The following ZNF385D variants were observed in gnomAD, a reference collection of about 807,000 sequenced individuals.
ZNF385D encodes zinc finger protein 385D.
Under a neutral mutation model 35.8 loss-of-function variants are expected in ZNF385D, and 15 were observed. The observed-to-expected ratio is 0.42, with a 90% CI of 0.28 to 0.64. The LOEUF (loss-of-function observed/expected upper bound fraction) is 0.64, where lower values mean the gene tolerates loss of function less well. ZNF385D is among the 30% of genes least tolerant of loss of function. ZNF385D has a pLI of 0.23. For synonymous variants in ZNF385D, 212 were observed against 186.8 expected (o/e 1.13, Z -1.10); for missense variants, 474 against 494.6 (o/e 0.96, Z 0.39).
intron 2 of ZNF385D, among the ~76,000 whole-genome samples, chr3:22,281,976 G>A (rs913344302): frequency 1.3e-5 from 2 of 151,940 alleles, no homozygotes; most frequent in East Asian, 1.9e-4. Context: ...TAATCTAGGA[G>A]GGTTGTATAT....
chr3:22,170,899 GA>G (rs1410629193), intron 2 of ZNF385D, among the ~76,000 whole-genome samples: 25 of 152,092 alleles, frequency 1.6e-4, no homozygotes, highest in Admixed American at 1.6e-3. Context: ...AGCAGATCAG[GA>G]AAGTTTTATA....
intron 2 of ZNF385D, among the ~76,000 whole-genome samples, chr3:21,599,445 T>C (rs953945649): frequency 3.3e-5 from 5 of 152,204 alleles, no homozygotes; most frequent in Admixed American, 1.3e-4. Context: ...AAAACACTTT[T>C]TCCAAAGTTT....
chr3:21,514,768 G>A (rs1322266884), intron 3 of ZNF385D, among the ~76,000 whole-genome samples: 1 of 151,878 alleles, frequency 6.6e-6, no homozygotes, highest in East Asian at 1.9e-4. Flanking sequence ...TGGTTCTAGA[G>A]GCTGTCAAAT....
chr3:21,979,282 T>C (rs527874856), intron 3 of ZNF385D, among the ~76,000 whole-genome samples: 1 of 152,340 alleles, frequency 6.6e-6, no homozygotes, highest in African/African-American at 2.4e-5. Flanking sequence ...AATTCTGTGC[T>C]ATTATATTAT....
intron 2 of ZNF385D, among the ~76,000 whole-genome samples, chr3:22,359,116 T>A (rs1270798602): frequency 2.0e-5 from 3 of 149,870 alleles, no homozygotes; most frequent in African/African-American, 7.4e-5. Flanking sequence ...AAACACTTGA[T>A]AACTACGGTT....
chr3:21,985,476 TTTGCATATATTGAACCAGCC>T (rs1576086544), intron 3 of ZNF385D, among the ~76,000 whole-genome samples: 1 of 115,666 alleles, frequency 8.6e-6, no homozygotes, highest in East Asian at 2.2e-4. Flanking sequence ...CATTTATTGA[TTTGCATATATTGAACCAGCC>T]TTGCATCCCA....
In ZNF385D at chr3:21,704,498, T is replaced by A. The variant is rs556792436; in HGVS notation, c.23-39470A>T. ...CTTTACCAAAATCTGATATTATTTA[T>A]TTTATTTTATTTTATTTATTTATTT... On this transcript the variant is annotated intron_variant, in intron 1 of 7. Transcript: ENST00000281523. Among the ~76,000 whole-genome samples the A allele has an allele frequency of 2.0e-5, 3 of 151,872 alleles. No homozygotes were observed. In the East Asian group the frequency reaches 5.8e-4, roughly 29 times the overall value.
At chr3:22,346,517 A>T (rs1028441653) in intron 2 of ZNF385D, among the ~76,000 whole-genome samples, 2 of 152,206 alleles carry the variant, frequency 1.3e-5, no homozygotes, top group African/African-American at 4.8e-5. Context: ...GAGTTTACAA[A>T]TTATTATCCC....
intron 3 of ZNF385D, among the ~76,000 whole-genome samples, chr3:22,021,748 CA>C (rs1697236373): frequency 6.6e-6 from 1 of 152,008 alleles, no homozygotes; most frequent in South Asian, 2.1e-4. Flanking sequence ...TCTTTCCAAG[CA>C]TTTCCACTAA....
At chr3:22,066,461 CGTGT>C (rs10627614) in intron 3 of ZNF385D, among the ~76,000 whole-genome samples, 1,492 of 98,164 alleles carry the variant, frequency 0.015, 44 homozygotes, top group African/African-American at 0.056. Flanking sequence ...GATGGTTCCC[CGTGT>C]GTGTGTGTGT....
chr3:21,912,694 T>C (rs1028260430), intron 3 of ZNF385D, among the ~76,000 whole-genome samples: 3 of 151,960 alleles, frequency 2.0e-5, no homozygotes, highest in East Asian at 1.9e-4. Flanking sequence ...CCTTTTGAAA[T>C]TGGAAAAAGA....
intron 1 of ZNF385D, among the ~76,000 whole-genome samples, chr3:21,665,461 C>A (rs1017810778): frequency 6.6e-6 from 1 of 152,126 alleles, no homozygotes; most frequent in Admixed American, 6.5e-5. Context: ...TCTTTGCTAC[C>A]ACATCCAAAA....
chr3:22,044,699 C>G (rs1018302272), intron 3 of ZNF385D, among the ~76,000 whole-genome samples: 1 of 152,078 alleles, frequency 6.6e-6, no homozygotes, highest in Non-Finnish European at 1.5e-5. Flanking sequence ...TTAACCTGCT[C>G]TATTGGGAAG....
At chr3:21,680,107 G>T (rs1276328238) in intron 1 of ZNF385D, among the ~76,000 whole-genome samples, 1 of 151,976 alleles carries the variant, frequency 6.6e-6, no homozygotes, top group Non-Finnish European at 1.5e-5. Flanking sequence ...TCCCTTTTCA[G>T]CTTGTCCTCA....
intron 3 of ZNF385D, among the ~76,000 whole-genome samples, chr3:22,086,426 T>A (rs1701045372): frequency 6.6e-6 from 1 of 152,098 alleles, no homozygotes; most frequent in Admixed American, 6.6e-5. Context: ...GAGAGCCAAA[T>A]CATGAGTGAA....
chr3:22,260,895 C>T (rs1700592794), intron 2 of ZNF385D, among the ~76,000 whole-genome samples: 1 of 152,000 alleles, frequency 6.6e-6, no homozygotes, highest in South Asian at 2.1e-4. Context: ...TTTAGTAGAA[C>T]AATAAGTTTA....
intron 3 of ZNF385D, among the ~76,000 whole-genome samples, chr3:21,787,400 A>G (rs549176056): frequency 6.6e-6 from 1 of 152,282 alleles, no homozygotes; most frequent in Admixed American, 6.5e-5. Flanking sequence ...ACAAAAATAG[A>G]TGTATTTAGT....
intron 2 of ZNF385D, among the ~76,000 whole-genome samples, chr3:22,321,471 T>C (rs1161920543): frequency 6.6e-6 from 1 of 152,068 alleles, no homozygotes; most frequent in Non-Finnish European, 1.5e-5. Context: ...GTTCAAGCGA[T>C]TCTCCTGTCT....
intron 3 of ZNF385D, among the ~76,000 whole-genome samples, chr3:21,992,910 T>G (rs1459291900): frequency 6.6e-6 from 1 of 152,198 alleles, no homozygotes; most frequent in African/African-American, 2.4e-5. Context: ...AGCAGTGAAG[T>G]CACCAGGCTA....
Sources: allele counts gnomAD v4.1 joint callset (sites outside exome capture counted in the v4.1 genomes callset), GRCh38; gene constraint gnomAD v4.1.1; transcripts MANE v1.5; gene names NCBI Gene and HGNC (gene_info 2026-07-23, HGNC 2026-07-21).